Variants in GRM7 observed in about 807,000 individuals in gnomAD.
GRM7 encodes the protein metabotropic glutamate receptor 7.
In GRM7, 35 loss-of-function variants were observed where a neutral mutation model predicts 84.5. The observed-to-expected ratio is 0.41, with a 90% CI of 0.32 to 0.55. GRM7 has a LOEUF of 0.55. Among genes scored for constraint, GRM7 ranks in the 20% least tolerant of loss-of-function variants. The pLI is 0.19. For synonymous variants in GRM7, 487 were observed against 455.1 expected (o/e 1.07, Z -0.89); for missense variants, 1,003 against 1,194.6 (o/e 0.84, Z 2.36).
chr3:7,599,410 G>A (rs917302357), intron 8 of GRM7, among the ~76,000 whole-genome samples: 20 of 152,248 alleles, frequency 1.3e-4, no homozygotes, highest in Admixed American at 8.5e-4. Flanking sequence ...ATGATATATT[G>A]TGGAAATATT....
Position 7,237,566 on chromosome 3 carries a change from G to A in GRM7, c.737-61118G>A, listed in dbSNP as rs189414142. On this transcript the variant is annotated intron_variant, in intron 2 of 9. Transcript: ENST00000357716. Reference sequence around the variant, plus strand: ...TTCCTTCTGATATTCAGATGTGTCCGGAGTTTCTTCCTTCTGGTGGGTTCG... The same window carrying A: ...TTCCTTCTGATATTCAGATGTGTCCAGAGTTTCTTCCTTCTGGTGGGTTCG... 5.6e-3 allele frequency among the ~76,000 whole-genome samples: 845 copies of A among 152,064 alleles called. 7 individuals carry two copies. The highest frequency in any genetic ancestry group is 0.027 in the Middle Eastern group (8 of 294).
At chr3:7,509,350 T>A (rs945884827) in intron 7 of GRM7, among the ~76,000 whole-genome samples, 23 of 152,202 alleles carry the variant, frequency 1.5e-4, no homozygotes, top group African/African-American at 4.8e-4. Context: ...TCTTAGGTAT[T>A]CACATACAGT....
intron 1 of GRM7, among the ~76,000 whole-genome samples, chr3:7,017,407 T>G (rs1695603869): frequency 1.3e-5 from 2 of 152,126 alleles, no homozygotes; most frequent in African/African-American, 2.4e-5. Flanking sequence ...GTTTTATTGT[T>G]AAAACCCAAA....
chr3:7,735,562 T>C (rs1026271773), intron 9 of GRM7, among the ~76,000 whole-genome samples: 8 of 152,164 alleles, frequency 5.3e-5, no homozygotes, highest in African/African-American at 1.9e-4. Context: ...CAACACATAA[T>C]ACATGCTCAA....
At chr3:7,215,584 G>A (rs942553485) in intron 2 of GRM7, among the ~76,000 whole-genome samples, 8 of 152,022 alleles carry the variant, frequency 5.3e-5, no homozygotes, top group African/African-American at 1.9e-4. Flanking sequence ...AGAATGGCGT[G>A]AACCCGGGGG....
At chr3:7,201,220 C>T (rs553554974) in intron 2 of GRM7, among the ~76,000 whole-genome samples, 1 of 151,998 alleles carries the variant, frequency 6.6e-6, no homozygotes, top group Non-Finnish European at 1.5e-5. Flanking sequence ...CTGCCCGCCT[C>T]GGCCTCCCAA....
At chr3:7,231,091 G>T (rs1292035174) in intron 2 of GRM7, among the ~76,000 whole-genome samples, 1 of 152,158 alleles carries the variant, frequency 6.6e-6, no homozygotes, top group Non-Finnish European at 1.5e-5. Context: ...GAATTAGCTA[G>T]AGAAAGAGAA....
intron 1 of GRM7, among the ~76,000 whole-genome samples, chr3:7,107,941 T>A (rs529053308): frequency 1.3e-5 from 2 of 151,990 alleles, no homozygotes; most frequent in Admixed American, 1.3e-4. Flanking sequence ...AGGCAGATGT[T>A]TGAGCATTCA....
At chr3:7,732,238 C>T (rs776006074) in intron 9 of GRM7, among the ~76,000 whole-genome samples, 6 of 152,146 alleles carry the variant, frequency 3.9e-5, no homozygotes, top group Non-Finnish European at 8.8e-5. Context: ...AGGGCAATTA[C>T]AAAAGGCTTC....
chr3:7,429,255 A>G (rs145000050), intron 5 of GRM7, among the ~76,000 whole-genome samples: 205 of 152,314 alleles, frequency 1.3e-3, no homozygotes, highest in African/African-American at 4.6e-3. Context: ...CTACATGTAA[A>G]GTGCTTAGTC....
At chr3:6,959,083 A>G (rs1693189931) in intron 1 of GRM7, among the ~76,000 whole-genome samples, 1 of 152,226 alleles carries the variant, frequency 6.6e-6, no homozygotes, top group Non-Finnish European at 1.5e-5. Flanking sequence ...TCTGAAAGTG[A>G]TAGCTATGCT....
chr3:6,891,513 A>G (rs575303636), intron 1 of GRM7, among the ~76,000 whole-genome samples: 75 of 152,240 alleles, frequency 4.9e-4, no homozygotes, highest in Non-Finnish European at 9.1e-4. Flanking sequence ...GCTGGATATG[A>G]AAATCTGGGT....
rs1476791875 is a variant in GRM7 at position 6,946,016 on chromosome 3, T to A, written c.519+84109T>A. Among the ~76,000 whole-genome samples, 4 of 152,246 alleles carry A rather than the reference T, an allele frequency of 2.6e-5. No individual in the cohort carries two copies. The East Asian group carries it at 7.7e-4, about 29-fold the overall frequency. ...TTCTCCCGTTTTGTAGGTTGCCTGT[T>A]CACTATGACAGTGATTTCTTTTGCT... On this transcript the variant is annotated intron_variant, in intron 1 of 9. Coordinates refer to ENST00000357716, the MANE Select transcript of GRM7 (RefSeq NM_000844.4).
At chr3:7,027,364 T>C (rs1696020443) in intron 1 of GRM7, among the ~76,000 whole-genome samples, 1 of 152,234 alleles carries the variant, frequency 6.6e-6, no homozygotes, top group Non-Finnish European at 1.5e-5. Flanking sequence ...ATTGTGCTTA[T>C]AATTAATGGT....
At chr3:7,221,965 C>G (rs1046851953) in intron 2 of GRM7, among the ~76,000 whole-genome samples, 4 of 151,884 alleles carry the variant, frequency 2.6e-5, no homozygotes, top group African/African-American at 9.7e-5. Context: ...CGCTACCACA[C>G]CTGGCTAATC....
chr3:6,983,650 G>A (rs1401684409), intron 1 of GRM7, among the ~76,000 whole-genome samples: 4 of 152,080 alleles, frequency 2.6e-5, no homozygotes, highest in Non-Finnish European at 1.5e-5. Flanking sequence ...AAATTATTAT[G>A]AGATATTTTT....
chr3:7,294,403 A>C (rs1198102585), intron 2 of GRM7, among the ~76,000 whole-genome samples: 1 of 151,980 alleles, frequency 6.6e-6, no homozygotes, highest in Non-Finnish European at 1.5e-5. Context: ...ATCCTCCATA[A>C]TGCTTTCCAG....
At chr3:7,175,076 T>C (rs986602352) in intron 2 of GRM7, among the ~76,000 whole-genome samples, 8 of 152,200 alleles carry the variant, frequency 5.3e-5, no homozygotes, top group Admixed American at 2.0e-4. Flanking sequence ...GAAAAGGAGA[T>C]GAATGGAGAA....
rs184455621 is a variant in GRM7 at position 7,286,245 on chromosome 3, A to G, written c.737-12439A>G. Among the ~76,000 whole-genome samples, 337 of 152,290 alleles carry G rather than the reference A, an allele frequency of 2.2e-3. 7 individuals carry two copies. Among genetic ancestry groups the G allele is most frequent in the Admixed American group, 0.018 (278 of 15,266 alleles). On this transcript the variant is annotated intron_variant, in intron 2 of 9. Coordinates refer to ENST00000357716, the MANE Select transcript of GRM7 (RefSeq NM_000844.4). ...CATGTTTTTCTTAATATTTTGCATT[A>G]AACATTTAACATACAGTTTTGAGGA...
Sources: gnomAD v4.1 joint callset for allele counts (sites outside exome capture counted in the v4.1 genomes callset) on GRCh38, gnomAD v4.1.1 for gene constraint, MANE v1.5 for transcripts, NCBI Gene and HGNC (gene_info 2026-07-23, HGNC 2026-07-21) for gene names.